Variants in PPARA observed in about 807,000 individuals in gnomAD.
The protein encoded by PPARA is peroxisome proliferator activated receptor alpha.
PPARA carries 22 observed loss-of-function variants against 42.2 expected under a neutral mutation model. The ratio of observed to expected loss-of-function variants is 0.52; its 90% CI spans 0.37 to 0.74. PPARA has a LOEUF of 0.74. Among genes scored for constraint, PPARA ranks in the 30% least tolerant of loss-of-function variants. PPARA has a pLI of 0.00. For missense variants in PPARA, 465 were observed against 608.2 expected (o/e 0.76, Z 2.48); for synonymous variants, 242 against 239.3 (o/e 1.01, Z -0.10).
chr22:46,194,942 C>G, intron 3 of PPARA, among the ~76,000 whole-genome samples: 1 of 145,458 alleles, frequency 6.9e-6, no homozygotes, highest in African/African-American at 2.5e-5. Context: ...TGCTCTTGTC[C>G]CCCAGGCTGG....
Position 46,224,589 on chromosome 22 carries a change from G to A in PPARA, c.711+4575G>A, listed in dbSNP as rs1344244657. On this transcript the variant is annotated intron_variant, in intron 7 of 8. Coordinates refer to ENST00000407236, the MANE Select transcript of PPARA (RefSeq NM_005036.6). The surrounding 1 kb of genome is among the most constrained non-coding windows in gnomAD (Gnocchi z 5.7). ...CCAGCCACGCCCCACAGAGCCTCAG[G>A]AAGGCACACTGACCTCAGGGCCGGC... 3.3e-5 allele frequency among the ~76,000 whole-genome samples: 5 copies of A among 152,214 alleles called. No homozygotes were observed. The highest frequency in any genetic ancestry group is 7.3e-5 in the Non-Finnish European group (5 of 68,050).
chr22:46,193,338 T>C lies in PPARA; in HGVS notation c.-42-5004T>C, dbSNP rs974598759. ...CGCCTTGGCCTCCCAAATGCTCAGA[T>C]TACAGGCGTGAGCCACCGCACCTGG... On this transcript the variant is annotated intron_variant, in intron 3 of 8. Transcript: ENST00000407236. The surrounding 1 kb of genome is among the most constrained non-coding windows in gnomAD (Gnocchi z 5.3). Among the ~76,000 whole-genome samples the C allele has an allele frequency of 5.3e-5, 8 of 152,296 alleles. No individual in the cohort carries two copies. The highest frequency in any genetic ancestry group is 2.0e-4 in the Admixed American group (3 of 15,284).
rs981404516 is a variant in PPARA, at chr22:46,195,971, A to G, written c.-42-2371A>G. On this transcript the variant is annotated intron_variant, in intron 3 of 8. Coordinates refer to ENST00000407236, the MANE Select transcript of PPARA (RefSeq NM_005036.6). The surrounding 1 kb of genome is among the most constrained non-coding windows in gnomAD (Gnocchi z 4.6). Reference sequence around the variant, plus strand: ...GAGCCTCTAGAAGGCAGCGGTGGGCAGGGCGGTTCAGGCAGGTGGCACCTG... The same window carrying G: ...GAGCCTCTAGAAGGCAGCGGTGGGCGGGGCGGTTCAGGCAGGTGGCACCTG... 4.6e-5 allele frequency among the ~76,000 whole-genome samples: 7 copies of G among 152,202 alleles called. No homozygotes were observed. Among genetic ancestry groups the G allele is most frequent in the African/African-American group, 1.7e-4 (7 of 41,470 alleles).
rs1204250672 is a variant in PPARA, at chr22:46,167,056, T to C, written c.-126-9697T>C. Among the ~76,000 whole-genome samples the C allele has an allele frequency of 6.6e-6, 1 of 151,868 alleles. No individual in the cohort carries two copies. Among genetic ancestry groups the C allele is most frequent in the African/African-American group, 2.4e-5 (1 of 41,306 alleles). On this transcript the variant is annotated intron_variant, in intron 2 of 8. Transcript: ENST00000407236. The surrounding 1 kb of genome is among the most constrained non-coding windows in gnomAD (Gnocchi z 4.1). The stretch of plus-strand genomic sequence containing the variant: ...AGACCATTAGATGAATGGAACAGAA[T>C]AGCAAGTCCAGAAATAGATCCACAC...
rs141130047 is a variant in PPARA, at chr22:46,162,662, C to T, written c.-127+10692C>T. On this transcript the variant is annotated intron_variant, in intron 2 of 8. Coordinates refer to ENST00000407236, the MANE Select transcript of PPARA (RefSeq NM_005036.6). The surrounding 1 kb of genome is among the most constrained non-coding windows in gnomAD (Gnocchi z 6.0). The stretch of plus-strand genomic sequence containing the variant: ...TTGGCTCATCACTCATGGTTGAACC[C>T]GGAGCCTCTTGCTGGTAGGTGCTTC... Among the ~76,000 whole-genome samples the T allele has an allele frequency of 5.9e-5, 9 of 152,282 alleles. No homozygotes were observed. The highest frequency in any genetic ancestry group is 1.9e-4 in the East Asian group (1 of 5,170).
In PPARA at chr22:46,232,981, CAAAAA is replaced by C. The variant is rs71192405; in HGVS notation, c.1159+758_1159+762del. Among the ~76,000 whole-genome samples the C allele has an allele frequency of 1.1e-5, 1 of 93,602 alleles. No individual in the cohort carries two copies. The allele number at this position is 93,602 out of a possible 152,430, so 61.4% of individuals were successfully genotyped here. ...TGGGCGACGAAGAATGACCCTGTCT[CAAAAA>C]AAAAAAAAAAAAAAATTATACACAC... On this transcript the variant is annotated intron_variant, in intron 8 of 8. Transcript: ENST00000407236. This position sits in a 1 kb window ranked among gnomAD's most constrained non-coding sequence, Gnocchi z 5.3.
At position 46,212,214 on chromosome 22, in the gene PPARA, G is replaced by C. The variant is rs1192712938; in HGVS notation, c.209-2959G>C. 6.6e-6 allele frequency among the ~76,000 whole-genome samples: 1 copy of C among 151,736 alleles called. No individual in the cohort carries two copies. The highest frequency in any genetic ancestry group is 1.5e-5 in the Non-Finnish European group (1 of 67,962). On this transcript the variant is annotated intron_variant, in intron 4 of 8. Transcript: ENST00000407236. This position sits in a 1 kb window ranked among gnomAD's most constrained non-coding sequence, Gnocchi z 4.2. ...TGGGATTACAGGTGCACACCGCTGA[G>C]CCCAGCAAATTTTTGTATTTTTTGT...
At chr22:46,202,529 G>A (rs1387684785) in intron 4 of PPARA, among the ~76,000 whole-genome samples, 2 of 151,910 alleles carry the variant, frequency 1.3e-5, no homozygotes, top group African/African-American at 4.8e-5. Flanking sequence ...CTGAGGTCAG[G>A]AGTTCGAGAC....
chr22:46,152,937 T>C (rs898381777), intron 2 of PPARA, among the ~76,000 whole-genome samples: 1 of 152,058 alleles, frequency 6.6e-6, no homozygotes, highest in Non-Finnish European at 1.5e-5. Context: ...AATAGAAATA[T>C]TGCCTGGGCA....
chr22:46,197,209 C>G (rs559445334), intron 3 of PPARA, among the ~76,000 whole-genome samples: 1,643 of 152,064 alleles, frequency 0.011, 29 homozygotes, highest in African/African-American at 0.037. Context: ...GCCACCACAC[C>G]CAGCTAATTT....
rs1928376697 is a variant in PPARA at position 46,173,285 on chromosome 22, C to T, written c.-126-3468C>T. 6.6e-6 allele frequency among the ~76,000 whole-genome samples: 1 copy of T among 152,176 alleles called. No homozygotes were observed. The highest frequency in any genetic ancestry group is 1.5e-5 in the Non-Finnish European group (1 of 68,036). On this transcript the variant is annotated intron_variant, in intron 2 of 8. Transcript: ENST00000407236. This position sits in a 1 kb window ranked among gnomAD's most constrained non-coding sequence, Gnocchi z 4.3. ...TGTTGTGTTGAATAGGAATGTAGCT[C>T]TGGGAACCTCTAGTTCCAAATAAGA...
intron 3 of PPARA, among the ~76,000 whole-genome samples, chr22:46,185,621 G>A (rs575330211): frequency 1.6e-4 from 25 of 151,906 alleles, no homozygotes; most frequent in African/African-American, 4.8e-4. Context: ...CTGGCTGGGC[G>A]CGGTGGCTCA....
chr22:46,207,929 C>A (rs1036182510), intron 4 of PPARA, among the ~76,000 whole-genome samples: 2 of 151,736 alleles, frequency 1.3e-5, no homozygotes. Context: ...AAGCAATCCT[C>A]CTACCTCTGC....
In PPARA at chr22:46,218,920, T is replaced by C. The variant is rs189192076; in HGVS notation, c.508+519T>C. On this transcript the variant is annotated intron_variant, in intron 6 of 8. Coordinates refer to ENST00000407236, the MANE Select transcript of PPARA (RefSeq NM_005036.6). ...GTTCACACCTGTAATCCCAGCACTTTGGAGGCCGAGGCGGGTGGATCACTT... is the reference window on the plus strand; with the variant it reads ...GTTCACACCTGTAATCCCAGCACTTCGGAGGCCGAGGCGGGTGGATCACTT... 2.5e-3 allele frequency among the ~76,000 whole-genome samples: 368 copies of C among 145,412 alleles called. 1 individual carries two copies. Among genetic ancestry groups the C allele is most frequent in the South Asian group, 7.8e-3 (35 of 4,492 alleles).
rs1936317836 is a variant in PPARA, at chr22:46,239,641, A to ACCCCCCCCCCCCCCCCCCCCCCCACAC, written c.*4267_*4268insCCCCCCCCCCCCCCCCCACACCCCCCC. On this transcript the variant is annotated 3_prime_UTR_variant, in exon 9 of 9. Coordinates refer to ENST00000407236, the MANE Select transcript of PPARA (RefSeq NM_005036.6). ...CGATGGTCCCGGCCTGCAGTGACAA[A>ACCCCCCCCCCCCCCCCCCCCCCCACAC]CCCCCCTCCCCGCACCGCCCCCAGC... The ACCCCCCCCCCCCCCCCCCCCCCCACAC allele has an allele frequency of 7.5e-6, 1 of 133,758 alleles. No homozygotes were observed. Among genetic ancestry groups the ACCCCCCCCCCCCCCCCCCCCCCCACAC allele is most frequent in the Admixed American group, 7.6e-5 (1 of 13,214 alleles). 8.3% of individuals were successfully genotyped at this position (133,758 alleles called of 1,614,324 possible).
chr22:46,186,427 G>A (rs896949481), intron 3 of PPARA, among the ~76,000 whole-genome samples: 5 of 152,182 alleles, frequency 3.3e-5, no homozygotes, highest in South Asian at 2.1e-4. Context: ...AAGACCAGCC[G>A]GGCAGAGAGA....
intron 7 of PPARA, chr22:46,220,466 C>T (rs933011079): frequency 2.6e-5 from 6 of 230,038 alleles, no homozygotes; most frequent in Non-Finnish European, 4.4e-5. Context: ...AGGTGTGCAC[C>T]ACCACACCTG....
chr22:46,170,111 T>G (rs1302191012), intron 2 of PPARA, among the ~76,000 whole-genome samples: 2 of 149,328 alleles, frequency 1.3e-5, no homozygotes, highest in African/African-American at 4.8e-5. Context: ...CATTCATCTT[T>G]GTTTTTTTTT....
Position 46,224,188 on chromosome 22 carries a change from T to A in PPARA, c.711+4174T>A, listed in dbSNP as rs1007728240. Among the ~76,000 whole-genome samples the A allele has an allele frequency of 1.3e-5, 2 of 152,220 alleles. No individual in the cohort carries two copies. Among genetic ancestry groups the A allele is most frequent in the African/African-American group, 4.8e-5 (2 of 41,474 alleles). Reference sequence around the variant, plus strand: ...CAAGCCAGGGTTGCGTCCCACCCCATGTCCTTGTCTGCGCACGGGACGCTG... The same window carrying A: ...CAAGCCAGGGTTGCGTCCCACCCCAAGTCCTTGTCTGCGCACGGGACGCTG... On this transcript the variant is annotated intron_variant, in intron 7 of 8. Transcript: ENST00000407236. The surrounding 1 kb of genome is among the most constrained non-coding windows in gnomAD (Gnocchi z 5.7).
Sources: allele counts gnomAD v4.1 joint callset (sites outside exome capture counted in the v4.1 genomes callset), GRCh38; gene constraint gnomAD v4.1.1; non-coding constraint Gnocchi (gnomAD v3.1); transcripts MANE v1.5; gene names NCBI Gene and HGNC (gene_info 2026-07-23, HGNC 2026-07-21).